SPG7: variants seen among roughly 807,000 people sequenced by gnomAD.
The protein encoded by SPG7 is SPG7 matrix AAA peptidase subunit, paraplegin.
Under a neutral mutation model 81.9 loss-of-function variants are expected in SPG7, and 103 were observed. The observed-to-expected ratio is 1.26, with a 90% CI of 1.07 to 1.48. The LOEUF is 1.48. Among genes scored for constraint, SPG7 ranks in the 40% most tolerant of loss-of-function variants. SPG7 has a pLI of 0.00. For missense variants in SPG7, 1,241 were observed against 1,087.3 expected (o/e 1.14, Z -1.99); for synonymous variants, 534 against 444.2 (o/e 1.20, Z -2.54).
At chr16:89,541,775 G>C (rs914270059) in intron 9 of SPG7, 2 of 152,222 alleles carry the variant, frequency 1.3e-5, no homozygotes, top group African/African-American at 4.8e-5. Context: ...CAGGGATCCG[G>C]TCCCAGAAAG....
intron 13 of SPG7, chr16:89,552,742 G>C (rs1467878146): frequency 1.3e-5 from 7 of 557,400 alleles, no homozygotes; most frequent in Admixed American, 2.8e-5. Context: ...TGCCTGTCTA[G>C]TCATGTATGA....
At chr16:89,534,141 C>T (rs1183829944) in intron 9 of SPG7, among the ~76,000 whole-genome samples, 1 of 152,348 alleles carries the variant, frequency 6.6e-6, no homozygotes, top group South Asian at 2.1e-4. Flanking sequence ...AAACCGAAAA[C>T]CTGTCCCCAT....
intron 4 of SPG7, among the ~76,000 whole-genome samples, chr16:89,525,551 T>G (rs576091471): frequency 3.3e-5 from 5 of 152,282 alleles, no homozygotes; most frequent in African/African-American, 1.2e-4. Context: ...TGCTGGAGTT[T>G]CCAGTTAACC....
At position 89,532,098 on chromosome 16, in the gene SPG7, C is replaced by G. The variant is rs1234443426; in HGVS notation, c.1150+32C>G. 11 of 1,604,958 alleles carry G rather than the reference C, an allele frequency of 6.9e-6. 1 individual carries two copies. The highest frequency in any genetic ancestry group is 9.3e-6 in the Non-Finnish European group (11 of 1,177,146). ...GCTGTGGTTGGGGGCTGTGGGTGGGCTTGGCTGACTACCTGGCTCCTTTCA... is the reference window on the plus strand; with the variant it reads ...GCTGTGGTTGGGGGCTGTGGGTGGGGTTGGCTGACTACCTGGCTCCTTTCA... On this transcript the variant is annotated intron_variant, in intron 8 of 16. Transcript: ENST00000645818.
chr16:89,544,497 G>A (rs917240303), intron 9 of SPG7, 151 bp from the exon 10 acceptor site: 37 of 848,482 alleles, frequency 4.4e-5, no homozygotes, highest in Middle Eastern at 2.3e-4. Context: ...GGGGGATCGC[G>A]GCTCCTAGTT....
chr16:89,520,433 G>A (rs549975470), intron 3 of SPG7: 40 of 180,480 alleles, frequency 2.2e-4, no homozygotes, highest in African/African-American at 8.6e-4. Flanking sequence ...TTCACTCTTC[G>A]TTGCCCAGGC....
At position 89,532,522 on chromosome 16, in the gene SPG7, A is replaced by G. The variant is rs1297583203; in HGVS notation, c.1210A>G (p.Ile404Val). Residue 404 changes from isoleucine (I) to valine (V), a missense_variant, in exon 9 of 17, where the codon ATC becomes GTC. Coordinates refer to ENST00000645818, the MANE Select transcript of SPG7 (RefSeq NM_003119.4). Reference sequence around the variant, plus strand: ...GGAAGCCCGAGCCCGGGCCCCCTGCATCGTCTACATCGATGAGATCGACGC... The same window carrying G: ...GGAAGCCCGAGCCCGGGCCCCCTGCGTCGTCTACATCGATGAGATCGACGC... ...FKEARARAPC[I>V]VYIDEIDAVG... 1.9e-6 allele frequency: 3 copies of G among 1,613,692 alleles called. No homozygotes were observed. Among genetic ancestry groups the G allele is most frequent in the Admixed American group, 3.3e-5 (2 of 60,026 alleles).
rs980244042 is a variant in SPG7 at position 89,545,966 on chromosome 16, G to A, written c.1450-692G>A. 6 of 446,986 alleles carry A rather than the reference G, an allele frequency of 1.3e-5. 1 individual carries two copies. The highest frequency in any genetic ancestry group is 1.4e-3 in the Middle Eastern group (2 of 1,466). The allele number at this position is 446,986 out of a possible 1,614,324, so 27.7% of individuals were successfully genotyped here. ...CTTCAGGGCTCAAGCTGAGGAGCTA[G>A]GACTACTATGGGCGTGCGCCGCCGT... On this transcript the variant is annotated intron_variant, in intron 10 of 16. Transcript: ENST00000645818.
Position 89,555,673 on chromosome 16 carries a change from A to G in SPG7, c.2181+1110A>G, listed in dbSNP as rs2058680390. The stretch of plus-strand genomic sequence containing the variant: ...TCTGGCAGTTTTGAGGATTGGTCTC[A>G]TGTTTTGTAGGACGTTCCTCAGTTG... On this transcript the variant is annotated intron_variant, in intron 16 of 16. Transcript: ENST00000645818. 10 of 392,422 alleles carry G rather than the reference A, an allele frequency of 2.5e-5. No homozygotes were observed. The East Asian group carries it at 3.3e-4, about 13-fold the overall frequency. The allele number at this position is 392,422 out of a possible 1,614,324, so 24.3% of individuals were successfully genotyped here. A position where few individuals can be genotyped will look rare whatever the true frequency, so the allele number is the denominator to read the frequency against.
chr16:89,547,868 C>T (rs991761332), intron 11 of SPG7, 135 bp from the exon 12 acceptor site: 3 of 750,520 alleles, frequency 4.0e-6, no homozygotes, highest in African/African-American at 3.4e-5. Flanking sequence ...CCACCTCAGC[C>T]TCCCAAAGTG....
At chr16:89,547,971 C>A in intron 11 of SPG7, 32 bp from the exon 12 acceptor site, 1 of 1,551,584 alleles carries the variant, frequency 6.4e-7, no homozygotes, top group Non-Finnish European at 8.9e-7. Context: ...CAGAAACCCA[C>A]CCACCCACAC....
chr16:89,553,780 A>T lies in SPG7; in HGVS notation c.1937-14A>T. The T allele has an allele frequency of 6.2e-7, 1 of 1,612,734 alleles. No homozygotes were observed. Among genetic ancestry groups the T allele is most frequent in the Non-Finnish European group, 8.5e-7 (1 of 1,179,788 alleles). ...CAGTGCTGAGGATGCCTCTGTCTCG[A>T]CCCCGCCCTCCAGGGGCACAGGACG... On this transcript the variant is annotated splice_polypyrimidine_tract_variant and intron_variant, in intron 14 of 16. Coordinates refer to ENST00000645818, the MANE Select transcript of SPG7 (RefSeq NM_003119.4).
At chr16:89,556,751 C>T (rs908000111) in intron 16 of SPG7, 136 bp from the exon 17 acceptor site, 37 of 760,118 alleles carry the variant, frequency 4.9e-5, no homozygotes, top group East Asian at 3.5e-4. Context: ...TCCGTGCCTC[C>T]GCTTCCCTGG....
At chr16:89,547,366 G>T in intron 11 of SPG7, 1 of 179,734 alleles carries the variant, frequency 5.6e-6, no homozygotes, top group Non-Finnish European at 1.2e-5. Context: ...GGAACTAACT[G>T]CCCTTGGGAG....
intron 6 of SPG7, chr16:89,529,876 C>G (rs770497678): frequency 9.8e-6 from 4 of 408,062 alleles, no homozygotes; most frequent in Non-Finnish European, 1.9e-5. Flanking sequence ...TTTCGCCCTT[C>G]TTGCCCAGGC....
chr16:89,554,698 C>T, intron 16 of SPG7, 135 bp downstream of exon 16: 1 of 688,086 alleles, frequency 1.5e-6, no homozygotes, highest in Non-Finnish European at 2.6e-6. Flanking sequence ...TGAATTCTAC[C>T]CAGCTCAACT....
At chr16:89,540,095 C>A (rs1462722395) in intron 9 of SPG7, 1 of 152,432 alleles carries the variant, frequency 6.6e-6, no homozygotes, top group African/African-American at 2.4e-5. Context: ...GTGAGTCTGT[C>A]CTTCCGCACA....
chr16:89,536,618 C>T lies in SPG7; in HGVS notation c.1324+3982C>T, dbSNP rs1294078548. 1.4e-3 allele frequency: 1,083 copies of T among 796,090 alleles called. 11 individuals are homozygous for T. The highest frequency in any genetic ancestry group is 0.012 in the African/African-American group (449 of 38,364). The allele number at this position is 796,090 out of a possible 1,614,324, so 49.3% of individuals were successfully genotyped here. On this transcript the variant is annotated intron_variant, in intron 9 of 16. Coordinates refer to ENST00000645818, the MANE Select transcript of SPG7 (RefSeq NM_003119.4). Reference sequence around the variant, plus strand: ...GGCAGGTGAGGTGAGGTGGGTGAGGCGGGTGAGGGCGGGTGAGGCGGGCGA... The same window carrying T: ...GGCAGGTGAGGTGAGGTGGGTGAGGTGGGTGAGGGCGGGTGAGGCGGGCGA...
At chr16:89,555,653 C>T (rs1428318183) in intron 16 of SPG7, 3 of 384,550 alleles carry the variant, frequency 7.8e-6, no homozygotes, top group African/African-American at 6.2e-5. Flanking sequence ...AGGGCTCTGG[C>T]AGTTTTGAGG....
Sources: gnomAD v4.1 joint callset for allele counts (sites outside exome capture counted in the v4.1 genomes callset) on GRCh38, gnomAD v4.1.1 for gene constraint, MANE v1.5 for transcripts, NCBI Gene and HGNC (gene_info 2026-07-23, HGNC 2026-07-21) for gene names.